TRIM31: variants seen among roughly 807,000 people sequenced by gnomAD.
The protein encoded by TRIM31 is tripartite motif containing 31, also known as E3 ubiquitin-protein ligase TRIM31.
In TRIM31, 31 loss-of-function variants were observed where a neutral mutation model predicts 40.6. The observed-to-expected ratio is 0.76, with a 90% CI of 0.57 to 1.03. The LOEUF (loss-of-function observed/expected upper bound fraction) is 1.03, where lower values mean the gene tolerates loss of function less well. Among genes scored for constraint, TRIM31 ranks in the 50% least tolerant of loss-of-function variants. TRIM31 has a pLI of 0.00. For synonymous variants in TRIM31, 164 were observed against 193.9 expected (o/e 0.85, Z 1.28); for missense variants, 455 against 497.5 (o/e 0.91, Z 0.81).
Position 30,112,482 on chromosome 6 carries a change from A to C in TRIM31, c.324T>G (p.Asp108Glu). The C allele has an allele frequency of 6.2e-7, 1 of 1,613,130 alleles. No individual in the cohort carries two copies. The highest frequency in any genetic ancestry group is 2.2e-5 in the East Asian group (1 of 44,890). ...ACACAAAACAGAGGAACTTCCCATC[A>C]TCCTCGCAGAAATAGTGGAACATCT... The part of the protein sequence containing the change: ...HQEMFHYFCE[D>E]DGKFLCFVCR... The change falls in exon 2 of 9, where the codon GAT (aspartate) becomes GAG (glutamate). Residue 108 changes from aspartate to glutamate, a missense_variant. Transcript: ENST00000376734.
intron 6 of TRIM31, among the ~76,000 whole-genome samples, chr6:30,105,890 G>T (rs1313979008): frequency 1.3e-5 from 2 of 152,204 alleles, no homozygotes; most frequent in African/African-American, 4.8e-5. Flanking sequence ...GCCAGGTGGG[G>T]TAAGGGGGGG....
rs17187896 is a variant in TRIM31 at position 30,103,530 on chromosome 6, G to C, written c.*6C>G. 2 of 1,612,486 alleles carry C rather than the reference G, an allele frequency of 1.2e-6. No homozygotes were observed. The highest frequency in any genetic ancestry group is 2.2e-5 in the South Asian group (2 of 91,064). Reference sequence around the variant, plus strand: ...CACCACCGCTCCCCGTGTTCTCTGAGCTGGCTTAGCTTGAAGGAACCTCAC... The same window carrying C: ...CACCACCGCTCCCCGTGTTCTCTGACCTGGCTTAGCTTGAAGGAACCTCAC... On this transcript the variant is annotated 3_prime_UTR_variant, in exon 9 of 9. Transcript: ENST00000376734.
At chr6:30,112,254 A>T in intron 2 of TRIM31, 135 bp downstream of exon 2, 1 of 956,206 alleles carries the variant, frequency 1.0e-6, no homozygotes, top group Non-Finnish European at 1.5e-6. Flanking sequence ...ACTGTGCCTG[A>T]CTGCGAGCTG....
In TRIM31 at chr6:30,103,617, C is replaced by A. The variant is rs781253950; in HGVS notation, c.1197G>T (p.Ala399=). 1 of 1,613,046 alleles carries A rather than the reference C, an allele frequency of 6.2e-7. No individual in the cohort carries two copies. The highest frequency in any genetic ancestry group is 1.7e-5 in the Admixed American group (1 of 60,014). ...GTGCCGCATGGAGCTCCTCGGACAG[C>A]GCAACGTCAAATGTCTTCGTATCCT... ...SSQDTKTFDV[A]LSEELHAALS... Residue 399 remains alanine (A), a synonymous_variant, in exon 9 of 9, where the codon GCG becomes GCT. Coordinates refer to ENST00000376734, the MANE Select transcript of TRIM31 (RefSeq NM_007028.5).
chr6:30,109,058 A>G lies in TRIM31; in HGVS notation c.745-10T>C. On this transcript the variant is annotated splice_polypyrimidine_tract_variant and intron_variant, in intron 4 of 8. Coordinates refer to ENST00000376734, the MANE Select transcript of TRIM31 (RefSeq NM_007028.5). The stretch of plus-strand genomic sequence containing the variant: ...AGACGACTTTGATATCCTAGAAGAG[A>G]AAGAGAAACAGCACAGCCTCAGCAC... 1 of 1,612,958 alleles carries G rather than the reference A, an allele frequency of 6.2e-7. No individual in the cohort carries two copies. The highest frequency in any genetic ancestry group is 2.2e-5 in the East Asian group (1 of 44,882).
intron 6 of TRIM31, 133 bp from the exon 7 acceptor site, chr6:30,105,375 T>C: frequency 1.5e-6 from 1 of 685,814 alleles, no homozygotes; most frequent in Non-Finnish European, 2.5e-6. Flanking sequence ...CATATTCTTA[T>C]TGGACCAGGA....
rs35975397 is a variant in TRIM31 at position 30,108,077 on chromosome 6, T to C, written c.859A>G (p.Thr287Ala). Reference sequence around the variant, plus strand: ...CCTTTGAATTTTTTTAGGCTCCCTGTGATGGAGTCATGTCTTGATTTTGCT... The same window carrying C: ...CCTTTGAATTTTTTTAGGCTCCCTGCGATGGAGTCATGTCTTGATTTTGCT... ...SEAKSRHDSITGSLKKFKDQL... is the reference protein window; with the variant it reads ...SEAKSRHDSIAGSLKKFKDQL... The change falls in exon 6 of 9, where the codon ACA becomes GCA. Residue 287 changes from threonine to alanine, a missense_variant. Coordinates refer to ENST00000376734, the MANE Select transcript of TRIM31 (RefSeq NM_007028.5). The C allele has an allele frequency of 1.4e-3, 2,283 of 1,606,358 alleles. 23 individuals are homozygous for C. Among genetic ancestry groups the C allele is most frequent in the Non-Finnish European group, 6.7e-4 (789 of 1,174,050 alleles).
chr6:30,104,790 G>T, intron 7 of TRIM31, among the ~76,000 whole-genome samples: 1 of 152,152 alleles, frequency 6.6e-6, no homozygotes, highest in Non-Finnish European at 1.5e-5. Flanking sequence ...ATTACAGTGG[G>T]TCTCCATCCC....
chr6:30,109,090 GA>G (rs1183028949), intron 4 of TRIM31, 42 bp from the exon 5 acceptor site: 1 of 1,610,132 alleles, frequency 6.2e-7, no homozygotes. Context: ...GCACTTGGCT[GA>G]TTCCCAGGAG....
intron 8 of TRIM31, 57 bp downstream of exon 8, chr6:30,104,045 C>T: frequency 6.4e-7 from 1 of 1,561,314 alleles, no homozygotes; most frequent in Non-Finnish European, 8.8e-7. Context: ...GTGGATACAG[C>T]ATTTTGACCA....
chr6:30,110,809 G>A, intron 3 of TRIM31, 131 bp from the exon 4 acceptor site: 3 of 838,234 alleles, frequency 3.6e-6, no homozygotes, highest in East Asian at 5.3e-5. Flanking sequence ...GGCAGACCTG[G>A]AAGAAAGGAA....
chr6:30,108,649 G>A (rs3132123), intron 5 of TRIM31: 272,161 of 323,954 alleles, frequency 0.84, 115,460 homozygotes, highest in South Asian at 0.91. Flanking sequence ...GATATGGGGC[G>A]GGAGTGAGGT....
At chr6:30,106,586 T>C (rs542295621) in intron 6 of TRIM31, among the ~76,000 whole-genome samples, 3 of 139,264 alleles carry the variant, frequency 2.2e-5, no homozygotes, top group East Asian at 2.2e-4. Context: ...AAAAATAAAA[T>C]AAAAATAAGA....
chr6:30,105,205 T>C lies in TRIM31; in HGVS notation c.921A>G (p.Arg307=). Residue 307 remains arginine, a synonymous_variant, in exon 7 of 9, where the codon AGA becomes AGG. Transcript: ENST00000376734. ...CATTTTTATTCATGCTTTTGAAGAA[T>C]CTGTTTTCATCTTTTTTCCTATCAG... ...LQADRKKDEN[R]FFKSMNKNDM... is the part of the protein sequence containing the mutation. 2.5e-6 allele frequency: 4 copies of C among 1,612,938 alleles called. No homozygotes were observed. In the South Asian group the frequency reaches 4.4e-5, roughly 18 times the overall value.
At position 30,112,640 on chromosome 6, in the gene TRIM31, A is replaced by G. The variant is rs575085426; in HGVS notation, c.166T>C (p.Cys56Arg). 1 of 1,613,150 alleles carries G rather than the reference A, an allele frequency of 6.2e-7. No individual in the cohort carries two copies. Among genetic ancestry groups the G allele is most frequent in the East Asian group, 2.2e-5 (1 of 44,888 alleles). The change falls in exon 2 of 9, where the codon TGC (cysteine) becomes CGC (arginine). Residue 56 changes from cysteine to arginine, a missense_variant. Physicochemically the swap from Cys to Arg is radical, Grantham distance 180. Coordinates refer to ENST00000376734, the MANE Select transcript of TRIM31 (RefSeq NM_007028.5). ...GCGTTCTTCCTTACGGAAGTTTTGCAGAGGGGACATTTGAAAAATCCACAT... is the reference window on the plus strand; with the variant it reads ...GCGTTCTTCCTTACGGAAGTTTTGCGGAGGGGACATTTGAAAAATCCACAT... ...TSCGFFKCPL[C>R]KTSVRKNAIR... is the part of the protein sequence containing the mutation.
intron 3 of TRIM31, among the ~76,000 whole-genome samples, chr6:30,110,998 G>A (rs570292482): frequency 4.7e-5 from 7 of 149,374 alleles, no homozygotes; most frequent in African/African-American, 7.4e-5. Context: ...AAATAGGTAA[G>A]TGGGGTCACA....
At position 30,104,179 on chromosome 6, in the gene TRIM31, GGA is replaced by G. The variant is rs1373077434; in HGVS notation, c.959-14_959-13del. 1 of 1,612,580 alleles carries G rather than the reference GGA, an allele frequency of 6.2e-7. No individual in the cohort carries two copies. The highest frequency in any genetic ancestry group is 8.5e-7 in the Non-Finnish European group (1 of 1,179,880). On this transcript the variant is annotated splice_polypyrimidine_tract_variant and intron_variant, in intron 7 of 8. Transcript: ENST00000376734. ...CTGTAACAAGCCCCCTAAAAATTGG[GGA>G]GAGAAAACCTATTTGGTCTTGATAA...
chr6:30,110,629 AG>A lies in TRIM31; in HGVS notation c.562del (p.Leu188CysfsTer5). 1 of 1,614,246 alleles carries A rather than the reference AG, an allele frequency of 6.2e-7. No homozygotes were observed. Among genetic ancestry groups the A allele is most frequent in the Non-Finnish European group, 8.5e-7 (1 of 1,180,048 alleles). On this transcript the variant is annotated frameshift_variant, in exon 4 of 9. Transcript: ENST00000376734. LOFTEE classifies it high-confidence loss of function. Reference protein sequence around the residue: ...KQRILTEFELLHQVLEEEKNF... With the variant: ...KQRILTEFELXHQVLEEEKNF... Reference sequence around the variant, plus strand: ...CTTCTCCTCCTCTAGGACTTGATGCAGGAGTTCAAATTCTGTGAGGATCCTT... The same window carrying A: ...CTTCTCCTCCTCTAGGACTTGATGCAGAGTTCAAATTCTGTGAGGATCCTT...
intron 4 of TRIM31, 89 bp from the exon 5 acceptor site, chr6:30,109,137 C>A (rs1769043493): frequency 7.2e-7 from 1 of 1,394,776 alleles, no homozygotes; most frequent in East Asian, 2.3e-5. Context: ...GGGTGTGGGG[C>A]AGAGCAGGAG....
Sources: allele counts gnomAD v4.1 joint callset (sites outside exome capture counted in the v4.1 genomes callset), GRCh38; gene constraint gnomAD v4.1.1; transcripts MANE v1.5; gene names NCBI Gene and HGNC (gene_info 2026-07-23, HGNC 2026-07-21).